ZFPM1: variants seen among roughly 807,000 people sequenced by gnomAD.
ZFPM1 encodes the protein zinc finger protein, FOG family member 1.
ZFPM1 carries 28 observed loss-of-function variants against 46.3 expected under a neutral mutation model. The ratio of observed to expected loss-of-function variants is 0.60; its 90% CI spans 0.45 to 0.83. The LOEUF is 0.83. Ranked by LOEUF, ZFPM1 falls within the 40% of genes least tolerant of loss-of-function variation. The pLI, the probability that ZFPM1 is intolerant of heterozygous loss-of-function variation, is 0.00. For missense variants in ZFPM1, 1,878 were observed against 1,432.4 expected (o/e 1.31, Z -5.02); for synonymous variants, 957 against 675.9 (o/e 1.42, Z -6.45).
intron 3 of ZFPM1, among the ~76,000 whole-genome samples, chr16:88,498,067 CG>C (rs1420501866): frequency 1.3e-5 from 2 of 152,140 alleles, no homozygotes; most frequent in Non-Finnish European, 2.9e-5. Context: ...CTTAGATTAA[CG>C]GCGGAGGAGG....
rs773743791 is a variant in ZFPM1 at position 88,533,189 on chromosome 16, G to A, written c.1231G>A (p.Gly411Ser). The change falls in exon 10 of 10, where the codon GGC becomes AGC. Residue 411 changes from glycine (G) to serine (S), a missense_variant. By Grantham distance (56) the Gly-to-Ser change is moderately conservative. Coordinates refer to ENST00000319555, the MANE Select transcript of ZFPM1 (RefSeq NM_153813.3). ...CCAGCAGCAGCACACGGCCCTGCAA[G>A]GCCCCCTGGCCTCCGCGGACCTGGG... ...SFQQQHTALQGPLASADLGLA... is the reference protein window; with the variant it reads ...SFQQQHTALQSPLASADLGLA... The A allele has an allele frequency of 2.0e-5, 31 of 1,533,018 alleles. No homozygotes were observed. The highest frequency in any genetic ancestry group is 2.7e-5 in the Non-Finnish European group (31 of 1,149,920). The allele number at this position is 1,533,018 out of a possible 1,614,324, so 95.0% of individuals were successfully genotyped here. A position where few individuals can be genotyped will look rare whatever the true frequency, so the allele number is the denominator to read the frequency against.
chr16:88,461,015 T>A (rs28453699), intron 1 of ZFPM1, among the ~76,000 whole-genome samples: 124 of 8,176 alleles, frequency 0.015, 4 homozygotes, highest in East Asian at 0.03. Flanking sequence ...GACCGAGGGG[T>A]GGGGCGGGAG....
chr16:88,458,671 G>A (rs35494108), intron 1 of ZFPM1, among the ~76,000 whole-genome samples: 2 of 152,262 alleles, frequency 1.3e-5, no homozygotes, highest in South Asian at 2.1e-4. Flanking sequence ...GACCCGGCCC[G>A]GCCACACTCG....
At chr16:88,486,800 A>C (rs1299442475) in intron 2 of ZFPM1, among the ~76,000 whole-genome samples, 1 of 136,260 alleles carries the variant, frequency 7.3e-6, no homozygotes. Flanking sequence ...TGCACAGTGG[A>C]TGCTGGGTGC....
intron 2 of ZFPM1, 55 bp from the exon 3 acceptor site, chr16:88,488,976 G>T: frequency 6.4e-7 from 1 of 1,572,224 alleles, no homozygotes; most frequent in East Asian, 2.3e-5. Flanking sequence ...TACAGGGAGG[G>T]GCAGCTCAGT....
At chr16:88,530,096 G>A (rs1912667539) in intron 6 of ZFPM1, among the ~76,000 whole-genome samples, 1 of 152,128 alleles carries the variant, frequency 6.6e-6, no homozygotes, top group Admixed American at 6.5e-5. Flanking sequence ...GGCACGGAGG[G>A]GATGGGAGGC....
At chr16:88,460,914 C>T (rs1296051115) in intron 1 of ZFPM1, among the ~76,000 whole-genome samples, 3 of 104,614 alleles carry the variant, frequency 2.9e-5, no homozygotes, top group African/African-American at 1.2e-4. Flanking sequence ...CTGGTGAGGA[C>T]CGAGGGGCGG....
chr16:88,518,692 G>T (rs1490282814), intron 4 of ZFPM1, among the ~76,000 whole-genome samples: 1 of 149,786 alleles, frequency 6.7e-6, no homozygotes, highest in Admixed American at 6.7e-5. Context: ...TGGATGGATG[G>T]GTGGATTGAT....
intron 1 of ZFPM1, among the ~76,000 whole-genome samples, chr16:88,474,219 GC>G (rs1908567353): frequency 6.6e-6 from 1 of 152,144 alleles, no homozygotes; most frequent in Admixed American, 6.5e-5. Context: ...TCTCTGCCTT[GC>G]CCCGCCCGGG....
At chr16:88,475,347 A>G (rs1434629457) in intron 1 of ZFPM1, among the ~76,000 whole-genome samples, 1 of 152,134 alleles carries the variant, frequency 6.6e-6, no homozygotes, top group Non-Finnish European at 1.5e-5. Flanking sequence ...GATGGGAGGG[A>G]AGGTGTGGGA....
intron 1 of ZFPM1, among the ~76,000 whole-genome samples, chr16:88,475,449 C>T (rs1299745638): frequency 6.6e-6 from 1 of 152,000 alleles, no homozygotes; most frequent in Non-Finnish European, 1.5e-5. Context: ...AGACCTCGGG[C>T]CTGGAAGCTG....
rs377419532 is a variant in ZFPM1 at position 88,532,784 on chromosome 16, C to T, written c.1043-5C>T. On this transcript the variant is annotated splice_region_variant and splice_polypyrimidine_tract_variant and intron_variant, in intron 8 of 9. Transcript: ENST00000319555. ...GGGCCTTGACCACCTCGCCATGGCC[C>T]ACAGGTGTCTGCCACAGCTGTGGCT... 1.2e-5 allele frequency: 19 copies of T among 1,613,064 alleles called. No homozygotes were observed. The highest frequency in any genetic ancestry group is 1.7e-5 in the Admixed American group (1 of 59,998).
intron 1 of ZFPM1, among the ~76,000 whole-genome samples, chr16:88,461,146 G>GGACCGAGGGGCGGGAGGCCTGGTGAT: frequency 9.5e-6 from 1 of 105,056 alleles, no homozygotes; most frequent in Non-Finnish European, 1.9e-5. Context: ...GACCTGGTGA[G>GGACCGAGGGGCGGGAGGCCTGGTGAT]GACCGAGGGG....
chr16:88,506,601 T>C (rs1158451177), intron 3 of ZFPM1, among the ~76,000 whole-genome samples: 1 of 152,154 alleles, frequency 6.6e-6, no homozygotes, highest in African/African-American at 2.4e-5. Flanking sequence ...GCAGAGCCAT[T>C]TCCCCAGTGT....
intron 3 of ZFPM1, among the ~76,000 whole-genome samples, chr16:88,503,215 C>G (rs1260486694): frequency 6.7e-6 from 1 of 150,028 alleles, no homozygotes; most frequent in East Asian, 2.0e-4. Flanking sequence ...GTGGAGGGAT[C>G]TGTGTCTGGG....
intron 4 of ZFPM1, among the ~76,000 whole-genome samples, chr16:88,517,031 G>T (rs1395542635): frequency 2.0e-5 from 3 of 152,214 alleles, no homozygotes; most frequent in South Asian, 4.1e-4. Flanking sequence ...CCTGGGGCAG[G>T]TCGCTTCCCT....
At position 88,533,318 on chromosome 16, in the gene ZFPM1, G is replaced by A. The variant is rs978949958; in HGVS notation, c.1360G>A (p.Glu454Lys). The change falls in exon 10 of 10, where the codon GAG becomes AAG. Residue 454 changes from glutamate to lysine, a missense_variant. Glu to Lys is a moderately conservative substitution (Grantham distance 56). Coordinates refer to ENST00000319555, the MANE Select transcript of ZFPM1 (RefSeq NM_153813.3). ...EPLAQNGGSS[E>K]PPAAPRSIKV... ...TCTGGCCCAGAATGGAGGCAGCAGC[G>A]AGCCCCCGGCGGCCCCCAGGAGCAT... 15 of 1,531,260 alleles carry A rather than the reference G, an allele frequency of 9.8e-6. No homozygotes were observed. The highest frequency in any genetic ancestry group is 6.0e-5 in the Admixed American group (3 of 49,994). The allele number at this position is 1,531,260 out of a possible 1,614,324, so 94.9% of individuals were successfully genotyped here.
chr16:88,498,193 G>GT lies in ZFPM1; in HGVS notation c.268+9041dup, dbSNP rs776897943. 3.1e-4 allele frequency among the ~76,000 whole-genome samples: 47 copies of GT among 152,108 alleles called. 1 individual carries two copies. Among genetic ancestry groups the GT allele is most frequent in the Admixed American group, 7.2e-4 (11 of 15,294 alleles). On this transcript the variant is annotated intron_variant, in intron 3 of 9. Transcript: ENST00000319555. ...TGGGGAACACGGACCCACCTGGGGG[G>GT]TCCCCAGAGGGAGCCTCAGACCCCG...
At chr16:88,532,998 G>T in intron 9 of ZFPM1, 63 bp downstream of exon 9, 2 of 1,598,292 alleles carry the variant, frequency 1.3e-6, no homozygotes, top group Non-Finnish European at 1.7e-6. Flanking sequence ...GAAGGGAGTG[G>T]GCTTGTCGCC....
Sources: allele counts gnomAD v4.1 joint callset (sites outside exome capture counted in the v4.1 genomes callset), GRCh38; gene constraint gnomAD v4.1.1; transcripts MANE v1.5; gene names NCBI Gene and HGNC (gene_info 2026-07-23, HGNC 2026-07-21).